The following ANKRD30A variants were observed in gnomAD, a reference collection of about 807,000 sequenced individuals.
ANKRD30A encodes the protein ankyrin repeat domain 30A, also known as ankyrin repeat domain-containing protein 30A.
ANKRD30A carries 170 observed loss-of-function variants against 166.3 expected under a neutral mutation model. That is an observed-to-expected ratio of 1.02 (90% CI 0.90 to 1.16). The LOEUF (loss-of-function observed/expected upper bound fraction) is 1.16, where lower values mean the gene tolerates loss of function less well. ANKRD30A is among the 50% of genes most tolerant of loss of function. The probability of loss-of-function intolerance (pLI) is 0.00; values close to 1 mark genes in which losing one functional copy is unlikely to be tolerated. For missense variants in ANKRD30A, 1,630 were observed against 1,518.0 expected, an observed-to-expected ratio of 1.07 and a Z score of -1.23; for synonymous variants, 564 against 508.9, an observed-to-expected ratio of 1.11 and a Z score of -1.46.
chr10:37,156,236 G>A (rs946910407), intron 13 of ANKRD30A, among the ~76,000 whole-genome samples: 2 of 152,040 alleles, frequency 1.3e-5, no homozygotes, highest in African/African-American at 2.4e-5. Context: ...GAAATTAAAA[G>A]TGAAGTACTG....
intron 15 of ANKRD30A, among the ~76,000 whole-genome samples, chr10:37,161,121 G>T (rs141193181): frequency 1.3e-5 from 2 of 152,282 alleles, no homozygotes; most frequent in South Asian, 4.1e-4. Context: ...GGACGTGGTG[G>T]CACGCATTTC....
chr10:37,209,710 C>G (rs1842181455), intron 31 of ANKRD30A, among the ~76,000 whole-genome samples: 1 of 152,024 alleles, frequency 6.6e-6, no homozygotes, highest in Admixed American at 6.6e-5. Flanking sequence ...GTAGAACTCA[C>G]CAGTGTAGGA....
At chr10:37,200,626 A>AT (rs947410382) in intron 30 of ANKRD30A, among the ~76,000 whole-genome samples, 1 of 151,928 alleles carries the variant, frequency 6.6e-6, no homozygotes, top group Non-Finnish European at 1.5e-5. Flanking sequence ...ACATGACATA[A>AT]TTTTTTTCTT....
rs79789533 is a variant in ANKRD30A, at chr10:37,221,289, T to C, written c.4185+1392T>C. Among the ~76,000 whole-genome samples, 1,459 of 151,350 alleles carry C rather than the reference T, an allele frequency of 9.6e-3. 34 individuals are homozygous for C. The highest frequency in any genetic ancestry group is 0.095 in the East Asian group (487 of 5,124). On this transcript the variant is annotated intron_variant, in intron 34 of 35. Transcript: ENST00000361713. The stretch of plus-strand genomic sequence containing the variant: ...AGTAAATATTGTTAATTTGATAAGA[T>C]GATTTACAAAATCAATAACAAACAT...
At position 37,142,076 on chromosome 10, in the gene ANKRD30A, G is replaced by A. The variant is rs757761864; in HGVS notation, c.1179G>A (p.Arg393=). The change falls in exon 7 of 36, where the codon AGG becomes AGA. Residue 393 remains arginine, a synonymous_variant. Coordinates refer to ENST00000361713, the MANE Select transcript of ANKRD30A (RefSeq NM_052997.3). ...IAWEKKEDTP[R]EIMSPAKETS... ...GGGAGAAAAAAGAAGACACACCTAG[G>A]GAAATTATGAGTCCCGCAAAAGAAA... is the stretch of plus-strand genomic sequence containing the variant. The A allele has an allele frequency of 2.5e-6, 4 of 1,610,330 alleles. No homozygotes were observed. The highest frequency in any genetic ancestry group is 1.1e-5 in the South Asian group (1 of 90,820).
At chr10:37,247,823 A>C in the ANKRD30A span, among the ~76,000 whole-genome samples, 1 of 150,342 alleles carries the variant, frequency 6.7e-6, no homozygotes, top group African/African-American at 2.4e-5. Flanking sequence ...CGGAGCTTGC[A>C]GTGAGCGGAG....
chr10:37,153,018 T>A (rs17606081), intron 12 of ANKRD30A, among the ~76,000 whole-genome samples: 12 of 152,294 alleles, frequency 7.9e-5, no homozygotes, highest in South Asian at 4.1e-4. Flanking sequence ...AAATTTTGTC[T>A]AAAACATGTT....
At position 37,192,625 on chromosome 10, in the gene ANKRD30A, A is replaced by G. The variant is rs534862107; in HGVS notation, c.2513-439A>G. Reference sequence around the variant, plus strand: ...TGAAGAACATAATAGCAACATGTATATATTGACATCAGTGATTCTGACGTG... The same window carrying G: ...TGAAGAACATAATAGCAACATGTATGTATTGACATCAGTGATTCTGACGTG... On this transcript the variant is annotated intron_variant, in intron 25 of 35. Coordinates refer to ENST00000361713, the MANE Select transcript of ANKRD30A (RefSeq NM_052997.3). Among the ~76,000 whole-genome samples, 43 of 152,164 alleles carry G rather than the reference A, an allele frequency of 2.8e-4. 1 individual carries two copies. Among genetic ancestry groups the G allele is most frequent in the Admixed American group, 2.6e-3 (40 of 15,278 alleles).
At chr10:37,262,958 A>C in the ANKRD30A span, among the ~76,000 whole-genome samples, 70 of 152,294 alleles carry the variant, frequency 4.6e-4, no homozygotes, top group East Asian at 0.013. Flanking sequence ...AAGATGATGC[A>C]GAACACAAGG....
chr10:37,125,932 G>A lies in ANKRD30A; in HGVS notation c.145G>A (p.Gly49Arg). Residue 49 changes from glycine (G) to arginine (R), a missense_variant, in exon 1 of 36, where the codon GGA becomes AGA. Transcript: ENST00000361713. ...AAAGATCCATAAAGCTGCCTCCCGGGGACAAGTCCGGAAGCTGGAGAAGAT... is the reference window on the plus strand; with the variant it reads ...AAAGATCCATAAAGCTGCCTCCCGGAGACAAGTCCGGAAGCTGGAGAAGAT... ...LRKIHKAASR[G>R]QVRKLEKMTK... 1 of 1,611,910 alleles carries A rather than the reference G, an allele frequency of 6.2e-7. No individual in the cohort carries two copies. Among genetic ancestry groups the A allele is most frequent in the Non-Finnish European group, 8.5e-7 (1 of 1,179,804 alleles).
chr10:37,162,081 A>G (rs866404950), intron 15 of ANKRD30A, among the ~76,000 whole-genome samples: 8 of 152,198 alleles, frequency 5.3e-5, no homozygotes, highest in Admixed American at 5.2e-4. Flanking sequence ...ATCCAGAAGC[A>G]TTCAGACAGC....
At chr10:37,245,043 C>T in the ANKRD30A span, among the ~76,000 whole-genome samples, 1 of 152,150 alleles carries the variant, frequency 6.6e-6, no homozygotes, top group Non-Finnish European at 1.5e-5. Context: ...ATTGGAATTT[C>T]ATTGAGTTAA....
chr10:37,154,224 T>C (rs1254782358), intron 13 of ANKRD30A, among the ~76,000 whole-genome samples: 4 of 152,210 alleles, frequency 2.6e-5, no homozygotes, highest in Non-Finnish European at 5.9e-5. Flanking sequence ...AGAATAAGCA[T>C]ATCTGCATGG....
chr10:37,228,369 A>C (rs1376650083), intron 34 of ANKRD30A, among the ~76,000 whole-genome samples: 1 of 151,980 alleles, frequency 6.6e-6, no homozygotes, highest in Non-Finnish European at 1.5e-5. Flanking sequence ...TAACATTCAA[A>C]CCCACTACAT....
intron 29 of ANKRD30A, 28 bp from the exon 30 acceptor site, chr10:37,199,699 G>A: frequency 3.5e-6 from 5 of 1,419,946 alleles, no homozygotes; most frequent in Non-Finnish European, 4.9e-6. Flanking sequence ...ATGTTCTCAT[G>A]AATGTATCTG....
chr10:37,159,197 G>A (rs531695555), intron 15 of ANKRD30A, among the ~76,000 whole-genome samples: 1 of 152,088 alleles, frequency 6.6e-6, no homozygotes, highest in African/African-American at 2.4e-5. Flanking sequence ...ATTAGTTTTT[G>A]CTGTCATTCC....
At chr10:37,260,608 C>T in the ANKRD30A span, among the ~76,000 whole-genome samples, 1,498 of 152,212 alleles carry the variant, frequency 9.8e-3, 9 homozygotes, top group Non-Finnish European at 0.015. Context: ...CTTATGATTC[C>T]GTCATTACTG....
At chr10:37,202,963 T>C (rs959447768) in intron 31 of ANKRD30A, among the ~76,000 whole-genome samples, 2 of 152,100 alleles carry the variant, frequency 1.3e-5, no homozygotes, top group African/African-American at 4.8e-5. Context: ...AATAGACCAA[T>C]AACAGGCTCT....
At chr10:37,221,558 G>A (rs1231744365) in intron 34 of ANKRD30A, among the ~76,000 whole-genome samples, 1 of 151,208 alleles carries the variant, frequency 6.6e-6, no homozygotes, top group Non-Finnish European at 1.5e-5. Context: ...ACTTCCATGG[G>A]AAGACTTCTT....
Sources: allele counts gnomAD v4.1 joint callset (sites outside exome capture counted in the v4.1 genomes callset), GRCh38; gene constraint gnomAD v4.1.1; transcripts MANE v1.5; gene names NCBI Gene and HGNC (gene_info 2026-07-23, HGNC 2026-07-21).